ACKR5: variants seen among roughly 807,000 people sequenced by gnomAD.
ACKR5 encodes the protein G protein-coupled receptor 182.
chr12:56,996,767 T>A, the ACKR5 span: 1 of 236,376 alleles, frequency 4.2e-6, no homozygotes, highest in East Asian at 9.6e-5. Flanking sequence ...CAGAGGAAAC[T>A]AGACACATTC....
chr12:56,995,439 T>C, the ACKR5 span: 3 of 1,614,190 alleles, frequency 1.9e-6, no homozygotes, highest in Non-Finnish European at 2.5e-6. This position sits in a 1 kb window ranked among gnomAD's most constrained non-coding sequence, Gnocchi z 4.7. Flanking sequence ...GTGATATGCG[T>C]CAACTGGCGC....
At chr12:56,994,959 C>A in the ACKR5 span, among the ~76,000 whole-genome samples, 1 of 152,134 alleles carries the variant, frequency 6.6e-6, no homozygotes, top group South Asian at 2.1e-4. Flanking sequence ...TTGGTGGACA[C>A]CAACAGTCCT....
the ACKR5 span, chr12:56,998,120 C>G: frequency 6.6e-6 from 1 of 152,288 alleles, no homozygotes; most frequent in Non-Finnish European, 1.5e-5. Context: ...GCCCATATCA[C>G]TGCCTCCTCT....
chr12:56,995,343 T>C, the ACKR5 span: 5 of 1,614,236 alleles, frequency 3.1e-6, no homozygotes, highest in South Asian at 5.5e-5. This position sits in a 1 kb window ranked among gnomAD's most constrained non-coding sequence, Gnocchi z 4.7. Context: ...GAGTGCCACG[T>C]GGAGCTCAGC....
chr12:56,995,946 GGCAGCCAGGACA>G, the ACKR5 span: 5 of 1,612,232 alleles, frequency 3.1e-6, no homozygotes, highest in African/African-American at 6.7e-5. The surrounding 1 kb of genome is among the most constrained non-coding windows in gnomAD (Gnocchi z 4.7). Context: ...TGCCGGCTGC[GGCAGCCAGGACA>G]ACCCAAGAGC....
At chr12:56,995,371 G>T in the ACKR5 span, 12 of 1,614,226 alleles carry the variant, frequency 7.4e-6, no homozygotes, top group South Asian at 1.2e-4. This position sits in a 1 kb window ranked among gnomAD's most constrained non-coding sequence, Gnocchi z 4.7. Context: ...CCAAGCGCGT[G>T]GTCCTCTTTG....
the ACKR5 span, chr12:56,995,724 C>T: frequency 6.2e-7 from 1 of 1,613,746 alleles, no homozygotes; most frequent in East Asian, 2.2e-5. The surrounding 1 kb of genome is among the most constrained non-coding windows in gnomAD (Gnocchi z 4.7). Flanking sequence ...GTGCGGCGGG[C>T]CATGTGTGCA....
chr12:56,996,129 G>A, the ACKR5 span: 1 of 1,613,962 alleles, frequency 6.2e-7, no homozygotes, highest in African/African-American at 1.3e-5. Context: ...GTCATTGACT[G>A]CTTCTCCATG....
the ACKR5 span, chr12:56,996,339 C>T: frequency 1.9e-6 from 3 of 1,614,158 alleles, no homozygotes; most frequent in Admixed American, 1.7e-5. Flanking sequence ...GCCCCCCACC[C>T]TGAGCCAAGC....
chr12:56,997,801 C>T, the ACKR5 span: 1 of 152,216 alleles, frequency 6.6e-6, no homozygotes, highest in African/African-American at 2.4e-5. Context: ...GACTTGGAGA[C>T]CACCTGTTCT....
At chr12:56,995,353 C>A in the ACKR5 span, 1 of 1,614,202 alleles carries the variant, frequency 6.2e-7, no homozygotes, top group South Asian at 1.1e-5. This position sits in a 1 kb window ranked among gnomAD's most constrained non-coding sequence, Gnocchi z 4.7. Flanking sequence ...TGGAGCTCAG[C>A]CAGAGCACCA....
chr12:56,996,509 G>A, the ACKR5 span: 1 of 1,242,428 alleles, frequency 8.0e-7, no homozygotes, highest in Non-Finnish European at 1.1e-6. Flanking sequence ...TAGAGGGGAG[G>A]GTCAAAGCAC....
chr12:56,995,737 C>T, the ACKR5 span: 14 of 1,613,846 alleles, frequency 8.7e-6, no homozygotes, highest in Non-Finnish European at 1.2e-5. The surrounding 1 kb of genome is among the most constrained non-coding windows in gnomAD (Gnocchi z 4.7). Flanking sequence ...TGTGTGCAGG[C>T]ATCTGGGTCC....
chr12:56,995,604 T>A, the ACKR5 span: 1 of 1,614,134 alleles, frequency 6.2e-7, no homozygotes, highest in African/African-American at 1.3e-5. The surrounding 1 kb of genome is among the most constrained non-coding windows in gnomAD (Gnocchi z 4.7). Context: ...ACTCACTACT[T>A]CTACTTTGTC....
chr12:56,998,604 G>A, the ACKR5 span, among the ~76,000 whole-genome samples: 1 of 152,178 alleles, frequency 6.6e-6, no homozygotes, highest in Non-Finnish European at 1.5e-5. Context: ...GGCTGACGGA[G>A]GATCCTCTCA....
At chr12:56,995,619 T>C in the ACKR5 span, 1 of 1,614,136 alleles carries the variant, frequency 6.2e-7, no homozygotes, top group Non-Finnish European at 8.5e-7. The surrounding 1 kb of genome is among the most constrained non-coding windows in gnomAD (Gnocchi z 4.7). Context: ...TTTGTCAACA[T>C]GTATAGCAGC....
At chr12:56,995,660 C>G in the ACKR5 span, 6 of 1,613,972 alleles carry the variant, frequency 3.7e-6, no homozygotes, top group Non-Finnish European at 5.1e-6. This position sits in a 1 kb window ranked among gnomAD's most constrained non-coding sequence, Gnocchi z 4.7. Flanking sequence ...CAGTGTCGAC[C>G]GCTATGTCAC....
At chr12:56,995,598 A>G in the ACKR5 span, 2 of 1,614,060 alleles carry the variant, frequency 1.2e-6, no homozygotes, top group Non-Finnish European at 8.5e-7. This position sits in a 1 kb window ranked among gnomAD's most constrained non-coding sequence, Gnocchi z 4.7. Flanking sequence ...CGCTTCACTC[A>G]CTACTTCTAC....
chr12:56,996,214 A>T, the ACKR5 span: 1 of 1,614,118 alleles, frequency 6.2e-7, no homozygotes, highest in Non-Finnish European at 8.5e-7. Context: ...TGAATGCTGT[A>T]GTCCATTACC....
Sources: gnomAD v4.1 joint callset for allele counts (sites outside exome capture counted in the v4.1 genomes callset) on GRCh38, gnomAD v4.1.1 for gene constraint, Gnocchi (gnomAD v3.1) non-coding constraint, MANE v1.5 for transcripts, NCBI Gene and HGNC (gene_info 2026-07-23, HGNC 2026-07-21) for gene names.